Variants in SLC24A2 observed in about 807,000 individuals in gnomAD.
SLC24A2 encodes the protein solute carrier family 24 member 2.
SLC24A2 carries 36 observed loss-of-function variants against 62.0 expected under a neutral mutation model. The ratio of observed to expected loss-of-function variants is 0.58; its 90% CI spans 0.44 to 0.77. The LOEUF (loss-of-function observed/expected upper bound fraction) is 0.77, where lower values mean the gene tolerates loss of function less well. SLC24A2 is among the 30% of genes least tolerant of loss of function. The probability of loss-of-function intolerance (pLI) is 0.00; values close to 1 mark genes in which losing one functional copy is unlikely to be tolerated. For synonymous variants in SLC24A2, 358 were observed against 294.0 expected, an observed-to-expected ratio of 1.22 and a Z score of -2.23; for missense variants, 846 against 817.9, an observed-to-expected ratio of 1.03 and a Z score of -0.42.
chr9:20,006,179 T>C, the SLC24A2 span, among the ~76,000 whole-genome samples: 6 of 151,598 alleles, frequency 4.0e-5, no homozygotes, highest in Non-Finnish European at 8.8e-5. Context: ...TATATATTAA[T>C]ATGTAATTAA....
intron 2 of SLC24A2, among the ~76,000 whole-genome samples, chr9:19,701,633 C>G (rs1332346896): frequency 6.6e-6 from 1 of 152,206 alleles, no homozygotes; most frequent in South Asian, 2.1e-4. Flanking sequence ...GAAGACAGTA[C>G]ACTATTGCTT....
chr9:19,851,948 T>C, the SLC24A2 span, among the ~76,000 whole-genome samples: 2 of 152,184 alleles, frequency 1.3e-5, no homozygotes, highest in Non-Finnish European at 2.9e-5. Flanking sequence ...TTCCCACCAA[T>C]GCTATAAAAG....
chr9:20,009,555 T>C, the SLC24A2 span, among the ~76,000 whole-genome samples: 5 of 152,032 alleles, frequency 3.3e-5, no homozygotes, highest in Admixed American at 6.6e-5. Context: ...TCCTTTAGCA[T>C]TGAATCCCTA....
chr9:19,890,661 C>T, the SLC24A2 span, among the ~76,000 whole-genome samples: 1 of 152,076 alleles, frequency 6.6e-6, no homozygotes, highest in Admixed American at 6.6e-5. Flanking sequence ...CTCATTCCAT[C>T]ACATAGCTTT....
At chr9:19,963,553 G>T in the SLC24A2 span, among the ~76,000 whole-genome samples, 2 of 152,208 alleles carry the variant, frequency 1.3e-5, no homozygotes, top group Non-Finnish European at 2.9e-5. Flanking sequence ...CAACAAGTGG[G>T]TGAAGGACAT....
At chr9:20,079,166 A>G in the SLC24A2 span, among the ~76,000 whole-genome samples, 1 of 152,226 alleles carries the variant, frequency 6.6e-6, no homozygotes, top group African/African-American at 2.4e-5. Context: ...GGTTGGAGTT[A>G]TGCAGCCACC....
chr9:19,979,698 T>C, the SLC24A2 span, among the ~76,000 whole-genome samples: 1 of 152,194 alleles, frequency 6.6e-6, no homozygotes, highest in Admixed American at 6.6e-5. Context: ...ACATTATTTA[T>C]GTACGGGAGA....
chr9:20,088,197 G>GGC, the SLC24A2 span, among the ~76,000 whole-genome samples: 2 of 152,376 alleles, frequency 1.3e-5, no homozygotes, highest in South Asian at 4.1e-4. Flanking sequence ...AGCAGCCACA[G>GGC]GCGGTAGGCC....
intron 2 of SLC24A2, among the ~76,000 whole-genome samples, chr9:19,686,677 A>G (rs899482223): frequency 4.6e-5 from 7 of 152,242 alleles, no homozygotes; most frequent in Admixed American, 4.6e-4. Context: ...CATGTGAAGA[A>G]GGACATGTTT....
intron 2 of SLC24A2, among the ~76,000 whole-genome samples, chr9:19,691,265 G>C (rs754693337): frequency 6.6e-6 from 1 of 152,174 alleles, no homozygotes. Flanking sequence ...GGCCTCCAAG[G>C]ATTGAACAAT....
the SLC24A2 span, among the ~76,000 whole-genome samples, chr9:20,026,459 C>T: frequency 6.6e-6 from 1 of 152,238 alleles, no homozygotes; most frequent in East Asian, 1.9e-4. Context: ...TCCCTAGGAC[C>T]ATTTGCAGAT....
chr9:19,543,183 C>T (rs1586925471), intron 8 of SLC24A2, among the ~76,000 whole-genome samples: 1 of 152,114 alleles, frequency 6.6e-6, no homozygotes, highest in Non-Finnish European at 1.5e-5. Context: ...AGGAATTTAT[C>T]CATTTCTTCT....
At position 19,516,075 on chromosome 9, in the gene SLC24A2, C is replaced by T. The variant is rs887612915; in HGVS notation, c.*78G>A. On this transcript the variant is annotated 3_prime_UTR_variant, in exon 11 of 11. Coordinates refer to ENST00000341998, the MANE Select transcript of SLC24A2 (RefSeq NM_020344.4). ...CAGGGCTGTGTGCCAGCTGCCTCTT[C>T]TCAAGAGGTCAAGGAGCCCAGAGCC... 8.9e-6 allele frequency: 14 copies of T among 1,581,176 alleles called. No homozygotes were observed. The highest frequency in any genetic ancestry group is 1.7e-5 in the Admixed American group (1 of 59,934).
rs866306395 is a variant in SLC24A2 at position 19,510,185 on chromosome 9, C to T, written c.*5968G>A. On this transcript the variant is annotated 3_prime_UTR_variant, in exon 11 of 11. Coordinates refer to ENST00000341998, the MANE Select transcript of SLC24A2 (RefSeq NM_020344.4). ...ACTTCACCAGAGCTTCATGGTCATG[C>T]TGCACCCAGTATAGTTCAACACTGT... 6.6e-6 allele frequency: 1 copy of T among 151,974 alleles called. No homozygotes were observed. The highest frequency in any genetic ancestry group is 1.5e-5 in the Non-Finnish European group (1 of 68,004). 9.4% of individuals were successfully genotyped at this position (151,974 alleles called of 1,614,324 possible). A position where few individuals can be genotyped will look rare whatever the true frequency, so the allele number is the denominator to read the frequency against.
chr9:20,106,541 AAT>A, the SLC24A2 span, among the ~76,000 whole-genome samples: 1 of 152,358 alleles, frequency 6.6e-6, no homozygotes, highest in East Asian at 1.9e-4. Flanking sequence ...AGGCTGGTTC[AAT>A]ACATGCAAAT....
At position 19,514,308 on chromosome 9, in the gene SLC24A2, G is replaced by A. The variant is rs1213750512; in HGVS notation, c.*1845C>T. The A allele has an allele frequency of 6.6e-6, 1 of 152,118 alleles. No individual in the cohort carries two copies. The highest frequency in any genetic ancestry group is 1.5e-5 in the Non-Finnish European group (1 of 68,034). 9.4% of individuals were successfully genotyped at this position (152,118 alleles called of 1,614,324 possible). On this transcript the variant is annotated 3_prime_UTR_variant, in exon 11 of 11. Transcript: ENST00000341998. ...GGTATGTGCTCACAACAAAATCATA[G>A]CAGGCGTCAATGACAGAATAGATTG...
intron 4 of SLC24A2, among the ~76,000 whole-genome samples, chr9:19,612,817 G>A (rs570879818): frequency 6.6e-6 from 1 of 152,276 alleles, no homozygotes; most frequent in East Asian, 1.9e-4. Flanking sequence ...TTCAAGTCTA[G>A]CCTGGGCAAC....
chr9:19,674,393 T>C (rs1212391455), intron 2 of SLC24A2, among the ~76,000 whole-genome samples: 1 of 152,216 alleles, frequency 6.6e-6, no homozygotes, highest in African/African-American at 2.4e-5. Flanking sequence ...TTGAGCTTCT[T>C]GTATTTAGAT....
chr9:19,561,791 C>G (rs1310840878), intron 7 of SLC24A2, among the ~76,000 whole-genome samples: 1 of 64,164 alleles, frequency 1.6e-5, no homozygotes, highest in African/African-American at 3.5e-5. Context: ...ATAGTATACT[C>G]CCTTTATAAT....
Sources: allele counts gnomAD v4.1 joint callset (sites outside exome capture counted in the v4.1 genomes callset), GRCh38; gene constraint gnomAD v4.1.1; transcripts MANE v1.5; gene names NCBI Gene and HGNC (gene_info 2026-07-23, HGNC 2026-07-21).